Variants in RFESD observed in about 807,000 individuals in gnomAD.
The protein encoded by RFESD is Rieske Fe-S domain containing, also known as Rieske domain-containing protein.
Under a neutral mutation model 24.4 loss-of-function variants are expected in RFESD, and 16 were observed. The observed-to-expected ratio is 0.66, with a 90% CI of 0.44 to 1.00. The LOEUF is 1.00. RFESD is among the 50% of genes least tolerant of loss of function. The probability of loss-of-function intolerance (pLI) is 0.00; values close to 1 mark genes in which losing one functional copy is unlikely to be tolerated. For synonymous variants in RFESD, 59 were observed against 81.8 expected, an observed-to-expected ratio of 0.72 and a Z score of 1.50; for missense variants, 208 against 247.0, an observed-to-expected ratio of 0.84 and a Z score of 1.06.
intron 5 of RFESD, chr5:95,655,809 T>G (rs1257141219): frequency 4.4e-6 from 2 of 454,044 alleles, no homozygotes; most frequent in African/African-American, 4.0e-5. Context: ...CATGGTTTAG[T>G]TGCCTGAGCA....
intron 1 of RFESD, among the ~76,000 whole-genome samples, chr5:95,649,128 T>C (rs926404929): frequency 7.3e-6 from 1 of 136,276 alleles, no homozygotes; most frequent in African/African-American, 2.6e-5. Context: ...AAAAGAATAA[T>C]TTTAATTATA....
chr5:95,653,313 C>T (rs1299068580), intron 3 of RFESD, 99 bp downstream of exon 3: 8 of 1,485,650 alleles, frequency 5.4e-6, no homozygotes, highest in Non-Finnish European at 7.2e-6. Flanking sequence ...CAGGCAAAAC[C>T]AAGTGGACCA....
intron 3 of RFESD, among the ~76,000 whole-genome samples, chr5:95,653,541 C>G (rs1301884105): frequency 1.3e-5 from 2 of 152,206 alleles, no homozygotes; most frequent in Non-Finnish European, 2.9e-5. Context: ...TTGAGGAATC[C>G]TCCCTAATTT....
intron 1 of RFESD, among the ~76,000 whole-genome samples, chr5:95,650,038 C>T (rs1750242508): frequency 6.6e-6 from 1 of 152,140 alleles, no homozygotes; most frequent in South Asian, 2.1e-4. Flanking sequence ...TCTTTGAGTA[C>T]CTGCCAAAAT....
rs192260898 is a variant in RFESD at position 95,650,764 on chromosome 5, T to C, written c.-135-1373T>C. 1.4e-3 allele frequency among the ~76,000 whole-genome samples: 207 copies of C among 152,242 alleles called. 1 individual carries two copies. The highest frequency in any genetic ancestry group is 2.2e-3 in the Non-Finnish European group (150 of 68,000). ...GCGACTGGCCCATAGTGTGTAACCA[T>C]TCTAAGCTAGGTACACCGAGGTACA... On this transcript the variant is annotated intron_variant, in intron 1 of 5. Transcript: ENST00000380005.
Position 95,653,259 on chromosome 5 carries a change from G to A in RFESD, c.158+45G>A, listed in dbSNP as rs1228904363. On this transcript the variant is annotated intron_variant, in intron 3 of 5. Coordinates refer to ENST00000380005, the MANE Select transcript of RFESD (RefSeq NM_001131066.2). Reference sequence around the variant, plus strand: ...TCATTCATACCCACCTTCTCTTGCTGTAATAGCTATCTGGTTGTGCCTGTA... The same window carrying A: ...TCATTCATACCCACCTTCTCTTGCTATAATAGCTATCTGGTTGTGCCTGTA... 11 of 1,549,798 alleles carry A rather than the reference G, an allele frequency of 7.1e-6. No homozygotes were observed. The East Asian group carries it at 1.2e-4, about 17-fold the overall frequency.
At chr5:95,648,673 A>G (rs1750199938) in intron 1 of RFESD, among the ~76,000 whole-genome samples, 1 of 152,174 alleles carries the variant, frequency 6.6e-6, no homozygotes, top group Non-Finnish European at 1.5e-5. Context: ...AACCTTTATC[A>G]TTTAGCCCCA....
intron 1 of RFESD, among the ~76,000 whole-genome samples, chr5:95,648,501 A>G (rs1750193587): frequency 6.6e-6 from 1 of 152,218 alleles, no homozygotes; most frequent in South Asian, 2.1e-4. Flanking sequence ...GTGTGAATGG[A>G]TCATGATATT....
chr5:95,649,632 G>T (rs1273413865), intron 1 of RFESD, among the ~76,000 whole-genome samples: 1 of 152,180 alleles, frequency 6.6e-6, no homozygotes, highest in Non-Finnish European at 1.5e-5. Flanking sequence ...CAGCCTGGTG[G>T]ATAGAAAATA....
chr5:95,652,432 A>G, intron 2 of RFESD, 101 bp downstream of exon 2: 1 of 1,406,968 alleles, frequency 7.1e-7, no homozygotes, highest in Non-Finnish European at 9.6e-7. Flanking sequence ...TGACATCTCT[A>G]CTTGGATGTC....
intron 5 of RFESD, among the ~76,000 whole-genome samples, chr5:95,654,683 G>A (rs968111369): frequency 6.6e-6 from 1 of 152,110 alleles, no homozygotes; most frequent in African/African-American, 2.4e-5. Flanking sequence ...TTATGATACA[G>A]CCATGCTGTG....
At position 95,653,190 on chromosome 5, in the gene RFESD, T is replaced by C; in HGVS notation, c.134T>C (p.Ile45Thr). 1 of 1,551,738 alleles carries C rather than the reference T, an allele frequency of 6.4e-7. No individual in the cohort carries two copies. The highest frequency in any genetic ancestry group is 1.2e-5 in the South Asian group (1 of 84,062). Reference sequence around the variant, plus strand: ...TTTGGGCATTTCAGCTCAGCTGTCATCTCAGTGACCAGTTTTTATCTGAGG... The same window carrying C: ...TTTGGGCATTTCAGCTCAGCTGTCACCTCAGTGACCAGTTTTTATCTGAGG... The part of the protein sequence containing the change: ...LHFGHFSSAV[I>T]SVTSFYLSMN... The change falls in exon 3 of 6, where the codon ATC (isoleucine) becomes ACC (threonine). Residue 45 changes from isoleucine (I) to threonine (T), a missense_variant. Ile to Thr is a moderately conservative substitution (Grantham distance 89). Transcript: ENST00000380005.
intron 2 of RFESD, 141 bp from the exon 3 acceptor site, chr5:95,652,976 C>T: frequency 1.7e-6 from 2 of 1,182,876 alleles, no homozygotes; most frequent in Non-Finnish European, 1.2e-6. Flanking sequence ...TTCCTTTGCT[C>T]TTAGAGTAAA....
At position 95,653,131 on chromosome 5, in the gene RFESD, C is replaced by T. The variant is rs1561386648; in HGVS notation, c.75C>T (p.Phe25=). The change falls in exon 3 of 6, where the codon TTC becomes TTT. Residue 25 remains phenylalanine, a synonymous_variant. Coordinates refer to ENST00000380005, the MANE Select transcript of RFESD (RefSeq NM_001131066.2). ...STLPLQYGIL[F]PKLLACLVHL... is the part of the protein sequence containing the mutation. ...TCTTCTTTCAGTATGGAATTCTCTT[C>T]CCCAAGCTGTTGGCATGTCTAGTTC... The T allele has an allele frequency of 3.9e-6, 6 of 1,551,704 alleles. No individual in the cohort carries two copies. Among genetic ancestry groups the T allele is most frequent in the Non-Finnish European group, 5.2e-6 (6 of 1,146,982 alleles).
rs1380631370 is a variant in RFESD, at chr5:95,654,330, C to A, written c.335-3C>A. 1 of 1,609,298 alleles carries A rather than the reference C, an allele frequency of 6.2e-7. No individual in the cohort carries two copies. The highest frequency in any genetic ancestry group is 8.5e-7 in the Non-Finnish European group (1 of 1,177,068). On this transcript the variant is annotated splice_polypyrimidine_tract_variant and splice_region_variant and intron_variant, in intron 4 of 5. Transcript: ENST00000380005. ...CTGCAGGTAATATTCAATTCCTTTTCAGACTCAGGAGGACCTTTACATTTG... is the reference window on the plus strand; with the variant it reads ...CTGCAGGTAATATTCAATTCCTTTTAAGACTCAGGAGGACCTTTACATTTG...
intron 1 of RFESD, among the ~76,000 whole-genome samples, chr5:95,649,023 T>A (rs1374829391): frequency 6.6e-6 from 1 of 151,214 alleles, no homozygotes; most frequent in African/African-American, 2.4e-5. Flanking sequence ...CACAGGCACA[T>A]TCTCTGAGGA....
chr5:95,649,073 G>T (rs1440314605), intron 1 of RFESD, among the ~76,000 whole-genome samples: 2 of 151,620 alleles, frequency 1.3e-5, no homozygotes, highest in African/African-American at 4.8e-5. Context: ...TGGGTTTGGG[G>T]TCATTTGCTA....
intron 4 of RFESD, 45 bp downstream of exon 4, chr5:95,654,281 A>C (rs143670008): frequency 1.2e-6 from 2 of 1,608,286 alleles, no homozygotes; most frequent in South Asian, 2.2e-5. Flanking sequence ...CCATGAAACT[A>C]TCAAAATTTC....
intron 1 of RFESD, among the ~76,000 whole-genome samples, chr5:95,648,743 G>A (rs931004523): frequency 5.9e-5 from 9 of 152,084 alleles, no homozygotes; most frequent in African/African-American, 1.9e-4. Context: ...CGGGTTGGAG[G>A]CAAACCTTGC....
Sources: gnomAD v4.1 joint callset for allele counts (sites outside exome capture counted in the v4.1 genomes callset) on GRCh38, gnomAD v4.1.1 for gene constraint, MANE v1.5 for transcripts, NCBI Gene and HGNC (gene_info 2026-07-23, HGNC 2026-07-21) for gene names.